The following SIGLEC5 variants were observed in gnomAD, a reference collection of about 807,000 sequenced individuals.
SIGLEC5 encodes the protein sialic acid binding Ig like lectin 5.
SIGLEC5 carries 34 observed loss-of-function variants against 45.9 expected under a neutral mutation model. The ratio of observed to expected loss-of-function variants is 0.74; its 90% CI spans 0.56 to 0.99. The LOEUF is 0.99. SIGLEC5 is among the 50% of genes least tolerant of loss of function. The probability of loss-of-function intolerance (pLI) is 0.00; values close to 1 mark genes in which losing one functional copy is unlikely to be tolerated. For synonymous variants in SIGLEC5, 203 were observed against 258.6 expected, an observed-to-expected ratio of 0.79 and a Z score of 2.06; for missense variants, 508 against 629.6, an observed-to-expected ratio of 0.81 and a Z score of 2.07.
Position 51,627,277 on chromosome 19 carries a change from C to T in SIGLEC5, c.1283-29G>A, listed in dbSNP as rs1983519569. 1.9e-6 allele frequency: 3 copies of T among 1,602,024 alleles called. No individual in the cohort carries two copies. The East Asian group carries it at 6.7e-5, about 36-fold the overall frequency. ...CAGAAAAGAGGGGCGTGCAATAACTCACTCCCAGGACTCAGACTCTTGTCC... is the reference window on the plus strand; with the variant it reads ...CAGAAAAGAGGGGCGTGCAATAACTTACTCCCAGGACTCAGACTCTTGTCC... On this transcript the variant is annotated intron_variant, in intron 6 of 8. Transcript: ENST00000683636.
At chr19:51,623,812 AT>A (rs1399587168) in intron 8 of SIGLEC5, among the ~76,000 whole-genome samples, 1 of 152,226 alleles carries the variant, frequency 6.6e-6, no homozygotes, top group Non-Finnish European at 1.5e-5. Flanking sequence ...TGAGACAAGG[AT>A]AAGAATGTTC....
chr19:51,627,345 G>T, intron 6 of SIGLEC5, 97 bp from the exon 7 acceptor site: 1 of 1,534,340 alleles, frequency 6.5e-7, no homozygotes, highest in Non-Finnish European at 8.9e-7. Flanking sequence ...TGCTCAGACA[G>T]GAGATGAAGA....
intron 8 of SIGLEC5, among the ~76,000 whole-genome samples, chr19:51,617,673 A>C (rs574844815): frequency 6.6e-6 from 1 of 152,320 alleles, no homozygotes; most frequent in East Asian, 1.9e-4. Flanking sequence ...TGAGGAACCC[A>C]AACTGAAAAC....
Position 51,627,995 on chromosome 19 carries a change from AG to A in SIGLEC5, c.835del (p.Leu279Ter). ...CDAPSNPPAH[L>X]SWFQGSPALN... ...GGCAGGGGAGCCCTGGAACCAGCTC[AG>A]GTGTGCAGGGGGGTTGCTGGGAGCA... On this transcript the variant is annotated frameshift_variant, in exon 5 of 9. Transcript: ENST00000683636. LOFTEE classifies it high-confidence loss of function. The A allele has an allele frequency of 1.9e-6, 3 of 1,613,020 alleles. No homozygotes were observed. The highest frequency in any genetic ancestry group is 1.1e-5 in the South Asian group (1 of 90,966).
At chr19:51,629,115 G>T in intron 3 of SIGLEC5, 39 bp from the exon 4 acceptor site, 3 of 1,607,886 alleles carry the variant, frequency 1.9e-6, no homozygotes, top group South Asian at 2.2e-5. Context: ...CAGCAGTGAG[G>T]AGTGAGATGG....
intron 8 of SIGLEC5, among the ~76,000 whole-genome samples, chr19:51,616,291 C>T (rs941482937): frequency 1.8e-4 from 28 of 152,180 alleles, no homozygotes; most frequent in African/African-American, 6.5e-4. Flanking sequence ...CTAAACTGAG[C>T]ATATTACATG....
rs572925164 is a variant in SIGLEC5, at chr19:51,621,751, T to G, written c.1464+4281A>C. On this transcript the variant is annotated intron_variant, in intron 8 of 8. Coordinates refer to ENST00000683636, the MANE Select transcript of SIGLEC5 (RefSeq NM_003830.4). ...AAGCAAGAAGATGCTAAAGGACACA[T>G]GCAAGACCAACTTGTGATTTTTTTT... The G allele has an allele frequency of 2.0e-5, 3 of 152,250 alleles. No individual in the cohort carries two copies. In the South Asian group the frequency reaches 6.2e-4, roughly 32 times the overall value. The allele number at this position is 152,250 out of a possible 1,614,324, so 9.4% of individuals were successfully genotyped here. A position where few individuals can be genotyped will look rare whatever the true frequency, so the allele number is the denominator to read the frequency against.
At chr19:51,613,448 G>A (rs1189010400) in intron 8 of SIGLEC5, among the ~76,000 whole-genome samples, 1 of 152,096 alleles carries the variant, frequency 6.6e-6, no homozygotes, top group Non-Finnish European at 1.5e-5. Flanking sequence ...CTCCTCCTAA[G>A]GACAGGCCAT....
At chr19:51,629,312 C>T (rs113136987) in intron 3 of SIGLEC5, 46 bp downstream of exon 3, 203 of 1,599,284 alleles carry the variant, frequency 1.3e-4, no homozygotes, top group Non-Finnish European at 1.6e-4. Flanking sequence ...ACACCCCTCA[C>T]TCCCACTGCC....
In SIGLEC5 at chr19:51,627,227, C is replaced by G. The variant is rs770007074; in HGVS notation, c.1304G>C (p.Gly435Ala). The G allele has an allele frequency of 1.2e-6, 2 of 1,613,994 alleles. No homozygotes were observed. Among genetic ancestry groups the G allele is most frequent in the East Asian group, 2.2e-5 (1 of 44,898 alleles). Residue 435 changes from glycine to alanine, a missense_variant, in exon 7 of 9, where the codon GGA (glycine) becomes GCA (alanine). This residue lies in a region of SIGLEC5 where 431 missense variants were observed against 428.8 expected (regional missense o/e 1.01). Coordinates refer to ENST00000683636, the MANE Select transcript of SIGLEC5 (RefSeq NM_003830.4). ...LLQGRSNLGT[G>A]VVPAALGGAG... ...ACCACCAAGGGCTGCAGGAACCACTCCTGTCCCGAGGTTCGATCTCCCTGC... is the reference window on the plus strand; with the variant it reads ...ACCACCAAGGGCTGCAGGAACCACTGCTGTCCCGAGGTTCGATCTCCCTGC...
At position 51,627,752 on chromosome 19, in the gene SIGLEC5, G is replaced by C; in HGVS notation, c.998-6C>G. ...GCCCAGCAACTGTGGGAGGGCTGTG[G>C]GGAGGGAGGACAGAACTCAGCAGGG... On this transcript the variant is annotated splice_region_variant and splice_polypyrimidine_tract_variant and intron_variant, in intron 5 of 8. Transcript: ENST00000683636. 1 of 1,577,966 alleles carries C rather than the reference G, an allele frequency of 6.3e-7. No individual in the cohort carries two copies. Among genetic ancestry groups the C allele is most frequent in the Non-Finnish European group, 8.6e-7 (1 of 1,160,112 alleles).
chr19:51,626,863 A>C (rs1354538675), intron 7 of SIGLEC5, among the ~76,000 whole-genome samples: 5 of 152,216 alleles, frequency 3.3e-5, no homozygotes, highest in South Asian at 4.1e-4. Flanking sequence ...GAAAAAAAGA[A>C]AGAAGACCTC....
At chr19:51,613,031 G>A (rs942540253) in intron 8 of SIGLEC5, among the ~76,000 whole-genome samples, 2 of 152,064 alleles carry the variant, frequency 1.3e-5, no homozygotes, top group Non-Finnish European at 2.9e-5. Flanking sequence ...CATGTGTTTT[G>A]TTGTGCTGTC....
At position 51,627,619 on chromosome 19, in the gene SIGLEC5, G is replaced by C; in HGVS notation, c.1125C>G (p.Asn375Lys). ...WRLEEKPLEG[N>K]SSQGSFKVNS... is the part of the protein sequence containing the mutation. ...TGACCTTGAATGAGCCCTGGCTGCT[G>C]TTCCCCTCCAGCGGCTTCTCCTCAA... The change falls in exon 6 of 9, where the codon AAC (asparagine) becomes AAG (lysine). Residue 375 changes from asparagine to lysine, a missense_variant. Asn to Lys is a moderately conservative substitution (Grantham distance 94). This residue lies in a region of SIGLEC5 where 431 missense variants were observed against 428.8 expected (regional missense o/e 1.01). Coordinates refer to ENST00000683636, the MANE Select transcript of SIGLEC5 (RefSeq NM_003830.4). 1.9e-6 allele frequency: 3 copies of C among 1,613,304 alleles called. No homozygotes were observed. In the South Asian group the frequency reaches 3.3e-5, roughly 18 times the overall value.
In SIGLEC5 at chr19:51,627,757, G is replaced by A. The variant is rs758802697; in HGVS notation, c.998-11C>T. 5 of 1,575,428 alleles carry A rather than the reference G, an allele frequency of 3.2e-6. No individual in the cohort carries two copies. Among genetic ancestry groups the A allele is most frequent in the Middle Eastern group, 1.7e-4 (1 of 5,856 alleles). ...GCAACTGTGGGAGGGCTGTGGGGAGGGAGGACAGAACTCAGCAGGGGGCCT... is the reference window on the plus strand; with the variant it reads ...GCAACTGTGGGAGGGCTGTGGGGAGAGAGGACAGAACTCAGCAGGGGGCCT... On this transcript the variant is annotated splice_polypyrimidine_tract_variant and intron_variant, in intron 5 of 8. Transcript: ENST00000683636.
rs1983404415 is a variant in SIGLEC5, at chr19:51,624,503, T to C, written c.1464+1529A>G. ...ACCAAAGTGAAAAAGTAAAAGTAAA[T>C]GATGCTTGTTCCAGTCATGACAGCT... On this transcript the variant is annotated intron_variant, in intron 8 of 8. Coordinates refer to ENST00000683636, the MANE Select transcript of SIGLEC5 (RefSeq NM_003830.4). 2.0e-5 allele frequency among the ~76,000 whole-genome samples: 3 copies of C among 152,092 alleles called. No individual in the cohort carries two copies. In the South Asian group the frequency reaches 6.2e-4, roughly 32 times the overall value.
chr19:51,628,135 G>T (rs201036398), intron 4 of SIGLEC5, 44 bp from the exon 5 acceptor site: 43 of 1,488,334 alleles, frequency 2.9e-5, no homozygotes, highest in Middle Eastern at 1.9e-4. Context: ...GGGCCAGGGA[G>T]GCTGACAGTC....
At chr19:51,624,889 G>A (rs1415345594) in intron 8 of SIGLEC5, among the ~76,000 whole-genome samples, 1 of 152,126 alleles carries the variant, frequency 6.6e-6, no homozygotes, top group Admixed American at 6.5e-5. Context: ...GCTTGAGCCT[G>A]GGAGGCAGAG....
At chr19:51,614,765 G>A (rs7251563) in intron 8 of SIGLEC5, among the ~76,000 whole-genome samples, 4 of 151,952 alleles carry the variant, frequency 2.6e-5, no homozygotes, top group Admixed American at 6.5e-5. Flanking sequence ...GATGCCGTTC[G>A]TATAAATGAG....
Sources: allele counts gnomAD v4.1 joint callset (sites outside exome capture counted in the v4.1 genomes callset), GRCh38; gene constraint gnomAD v4.1.1; regional missense constraint gnomAD v4.1.1; transcripts MANE v1.5; gene names NCBI Gene and HGNC (gene_info 2026-07-23, HGNC 2026-07-21).